ANK2: variants seen among roughly 807,000 people sequenced by gnomAD.
ANK2 encodes the protein ankyrin-2.
ANK2 carries 83 observed loss-of-function variants against 360.5 expected under a neutral mutation model. That is an observed-to-expected ratio of 0.23 (90% CI 0.19 to 0.28). The LOEUF is 0.28. Among genes scored for constraint, ANK2 ranks in the 10% least tolerant of loss-of-function variants. The probability of loss-of-function intolerance (pLI) is 1.00; values close to 1 mark genes in which losing one functional copy is unlikely to be tolerated. For synonymous variants in ANK2, 1,740 were observed against 1,759.5 expected (o/e 0.99, Z 0.28); for missense variants, 4,201 against 4,795.7 (o/e 0.88, Z 3.66).
chr4:113,282,959 G>A (rs938075166), intron 18 of ANK2, 87 bp downstream of exon 18: 2 of 1,432,634 alleles, frequency 1.4e-6, no homozygotes, highest in Non-Finnish European at 2.0e-6. Context: ...ACAAAAAGGA[G>A]CAATGTATTA....
intron 24 of ANK2, among the ~76,000 whole-genome samples, chr4:113,312,998 A>C (rs2080904740): frequency 1.3e-5 from 2 of 152,230 alleles, no homozygotes; most frequent in African/African-American, 4.8e-5. Context: ...GTTTTTTGAG[A>C]CATGTGTAGG....
the ANK2 span, among the ~76,000 whole-genome samples, chr4:112,721,913 A>T: frequency 6.6e-6 from 1 of 152,198 alleles, no homozygotes; most frequent in African/African-American, 2.4e-5. Context: ...AGTTTCTTCT[A>T]GAGGAGAGGT....
At chr4:112,948,492 G>A (rs907144082) in intron 2 of ANK2, among the ~76,000 whole-genome samples, 6 of 152,140 alleles carry the variant, frequency 3.9e-5, no homozygotes, top group Non-Finnish European at 7.4e-5. Flanking sequence ...CAATGAGCCA[G>A]AACAGAATCC....
intron 4 of ANK2, among the ~76,000 whole-genome samples, chr4:113,223,120 G>A (rs2099169975): frequency 6.6e-6 from 1 of 152,138 alleles, no homozygotes; most frequent in Non-Finnish European, 1.5e-5. Flanking sequence ...TGACCTTAAA[G>A]CTTGGTGACA....
chr4:113,238,686 A>AT (rs1329817594), intron 7 of ANK2, among the ~76,000 whole-genome samples: 1 of 152,198 alleles, frequency 6.6e-6, no homozygotes, highest in East Asian at 1.9e-4. Context: ...GTTTGGGTGG[A>AT]TTTTTACTGA....
intron 15 of ANK2, among the ~76,000 whole-genome samples, chr4:113,275,485 T>C (rs984978597): frequency 6.6e-6 from 1 of 152,164 alleles, no homozygotes; most frequent in African/African-American, 2.4e-5. Context: ...TCATAATCAG[T>C]AGGTATAAGT....
chr4:112,954,069 A>G (rs1303542325), intron 2 of ANK2, among the ~76,000 whole-genome samples: 1 of 152,138 alleles, frequency 6.6e-6, no homozygotes, highest in African/African-American at 2.4e-5. Flanking sequence ...CTCAAACAAG[A>G]TTTTAGTACC....
In ANK2 at chr4:113,293,685, C is replaced by T. The variant is rs951795833; in HGVS notation, c.2475+147C>T. 1.0e-5 allele frequency: 8 copies of T among 779,318 alleles called. No individual in the cohort carries two copies. The African/African-American group carries it at 1.2e-4, about 12-fold the overall frequency. 48.3% of individuals were successfully genotyped at this position (779,318 alleles called of 1,614,324 possible). ...GAAAGTATTGTAGCACATACATAGG[C>T]GTATGCAGAAGTAAATGGATTCACA... On this transcript the variant is annotated intron_variant, in intron 22 of 45. Transcript: ENST00000357077.
chr4:112,820,798 G>C (rs1486230011), intron 1 of ANK2, among the ~76,000 whole-genome samples: 3 of 151,984 alleles, frequency 2.0e-5, no homozygotes, highest in Non-Finnish European at 4.4e-5. Context: ...GGAGTGCAGG[G>C]GCATGATCAT....
rs576330953 is a variant in ANK2 at position 112,848,051 on chromosome 4, C to T, written c.-40+29787C>T. Among the ~76,000 whole-genome samples the T allele has an allele frequency of 2.3e-4, 35 of 152,260 alleles. No individual in the cohort carries two copies. In the South Asian group the frequency reaches 7.1e-3, roughly 31 times the overall value. On this transcript the variant is annotated intron_variant, in intron 1 of 30. Transcript: ENST00000503271. ...ACCTGAAAGAGCATGCGATTTGGAGCGAGGCAGACCTGGATTAAGAGCTCA... is the reference window on the plus strand; with the variant it reads ...ACCTGAAAGAGCATGCGATTTGGAGTGAGGCAGACCTGGATTAAGAGCTCA...
In ANK2 at chr4:113,318,525, T is replaced by A; in HGVS notation, c.2805T>A (p.Thr935=). The A allele has an allele frequency of 6.2e-7, 1 of 1,613,556 alleles. No homozygotes were observed. The highest frequency in any genetic ancestry group is 8.5e-7 in the Non-Finnish European group (1 of 1,179,702). Residue 935 remains threonine (T), a synonymous_variant, in exon 26 of 46, where the codon ACT becomes ACA. Coordinates refer to ENST00000357077, the MANE Select transcript of ANK2 (RefSeq NM_001148.6). ...GTGTTCTTTGTGTTTAGGTGTCAACTCTAGCCAAGGAGGCAGAAAGGAATT... is the reference window on the plus strand; with the variant it reads ...GTGTTCTTTGTGTTTAGGTGTCAACACTAGCCAAGGAGGCAGAAAGGAATT... The part of the protein sequence containing the change: ...SVVIPSHQVS[T]LAKEAERNSY...
intron 26 of ANK2, chr4:113,323,876 C>A: frequency 7.5e-7 from 1 of 1,340,662 alleles, no homozygotes; most frequent in Admixed American, 2.0e-5. Context: ...ATATTCCTTG[C>A]CTCAGGATGC....
chr4:113,338,711 G>A (rs1451383662), intron 31 of ANK2, among the ~76,000 whole-genome samples: 8 of 151,612 alleles, frequency 5.3e-5, no homozygotes, highest in African/African-American at 1.5e-4. Context: ...CACTATGCCC[G>A]GCTAATTTTT....
chr4:113,310,686 G>A (rs1449768784), intron 23 of ANK2, among the ~76,000 whole-genome samples: 1 of 152,176 alleles, frequency 6.6e-6, no homozygotes, highest in Admixed American at 6.5e-5. Context: ...CAAAGGGTTG[G>A]GATTACAGGC....
chr4:112,975,501 G>A (rs552170147), intron 2 of ANK2, among the ~76,000 whole-genome samples: 1 of 152,124 alleles, frequency 6.6e-6, no homozygotes, highest in African/African-American at 2.4e-5. Context: ...ACTGTTTGAT[G>A]TATTCAGTAT....
chr4:112,710,697 C>CAA, the ANK2 span, among the ~76,000 whole-genome samples: 1 of 126,304 alleles, frequency 7.9e-6, no homozygotes, highest in Non-Finnish European at 1.7e-5. Context: ...GACTCCATCT[C>CAA]AAAAAAAAAA....
intron 19 of ANK2, 55 bp downstream of exon 19, chr4:113,287,758 T>A: frequency 2.1e-6 from 3 of 1,450,620 alleles, no homozygotes; most frequent in Non-Finnish European, 2.9e-6. Flanking sequence ...TGATTCCCAG[T>A]AGCCCCCATT....
At chr4:113,098,097 T>A (rs2091974390) in intron 1 of ANK2, among the ~76,000 whole-genome samples, 1 of 151,482 alleles carries the variant, frequency 6.6e-6, no homozygotes, top group Non-Finnish European at 1.5e-5. Flanking sequence ...ATTGAATGAA[T>A]TGTTTGGAAA....
intron 1 of ANK2, among the ~76,000 whole-genome samples, chr4:112,862,138 T>C (rs1457073852): frequency 6.6e-6 from 1 of 152,194 alleles, no homozygotes; most frequent in Non-Finnish European, 1.5e-5. Flanking sequence ...AAAGAAAGTA[T>C]CCAGCATGTA....
Sources: allele counts gnomAD v4.1 joint callset (sites outside exome capture counted in the v4.1 genomes callset), GRCh38; gene constraint gnomAD v4.1.1; transcripts MANE v1.5; gene names NCBI Gene and HGNC (gene_info 2026-07-23, HGNC 2026-07-21).